Variants in DNAH11 observed in about 807,000 individuals in gnomAD.
The protein encoded by DNAH11 is dynein axonemal heavy chain 11, also known as axonemal beta dynein heavy chain 11.
Under a neutral mutation model 526.0 loss-of-function variants are expected in DNAH11, and 442 were observed. The ratio of observed to expected loss-of-function variants is 0.84; its 90% CI spans 0.78 to 0.91. DNAH11 has a LOEUF of 0.91. DNAH11 is among the 40% of genes least tolerant of loss of function. The pLI is 0.00. For synonymous variants in DNAH11, 2,461 were observed against 1,935.9 expected (o/e 1.27, Z -7.12); for missense variants, 6,989 against 5,448.7 (o/e 1.28, Z -8.90).
At chr7:21,664,982 T>C (rs1299882087) in intron 30 of DNAH11, among the ~76,000 whole-genome samples, 2 of 152,104 alleles carry the variant, frequency 1.3e-5, no homozygotes. Context: ...GTCCAAATTC[T>C]TTGAGCTGCC....
chr7:21,779,055 C>T lies in DNAH11; in HGVS notation c.9434C>T (p.Thr3145Met), dbSNP rs185195859. ...EALITKIGLQ[T>M]EKVSREKTIA... ...CTGATCACAAAGATCGGCCTTCAGA[C>T]GGAGAAAGTGAGCCGGGAAAAGACC... The change falls in exon 57 of 82, where the codon ACG (threonine) becomes ATG (methionine). Residue 3145 changes from threonine to methionine, a missense_variant. Thr to Met is a moderately conservative substitution (Grantham distance 81). Coordinates refer to ENST00000409508, the MANE Select transcript of DNAH11 (RefSeq NM_001277115.2). 35 of 1,613,318 alleles carry T rather than the reference C, an allele frequency of 2.2e-5. No homozygotes were observed. Among genetic ancestry groups the T allele is most frequent in the Middle Eastern group, 1.7e-4 (1 of 6,048 alleles).
chr7:21,687,164 G>A lies in DNAH11; in HGVS notation c.5687G>A (p.Gly1896Asp). ...TMSGAPAGPAGTGKTETTKDL... is the reference protein window; with the variant it reads ...TMSGAPAGPADTGKTETTKDL... Reference sequence around the variant, plus strand: ...AGTGGGGCTCCTGCTGGCCCAGCTGGTACCGGGAAAACAGAGACCACCAAA... The same window carrying A: ...AGTGGGGCTCCTGCTGGCCCAGCTGATACCGGGAAAACAGAGACCACCAAA... The change falls in exon 33 of 82, where the codon GGT (glycine) becomes GAT (aspartate). Residue 1896 changes from glycine to aspartate, a missense_variant. Gly to Asp is a moderately conservative substitution (Grantham distance 94). Transcript: ENST00000409508. The A allele has an allele frequency of 6.2e-7, 1 of 1,613,150 alleles. No individual in the cohort carries two copies. Among genetic ancestry groups the A allele is most frequent in the Non-Finnish European group, 8.5e-7 (1 of 1,179,518 alleles).
At chr7:21,628,424 A>T (rs1786452286) in intron 25 of DNAH11, among the ~76,000 whole-genome samples, 1 of 152,202 alleles carries the variant, frequency 6.6e-6, no homozygotes, top group African/African-American at 2.4e-5. Flanking sequence ...TTAGCTGTGG[A>T]TTTATTGTAT....
intron 8 of DNAH11, among the ~76,000 whole-genome samples, chr7:21,575,994 G>T (rs922174909): frequency 6.6e-6 from 1 of 152,140 alleles, no homozygotes; most frequent in Non-Finnish European, 1.5e-5. Flanking sequence ...AGAAACTTCT[G>T]CTTCTGGAAA....
intron 61 of DNAH11, among the ~76,000 whole-genome samples, chr7:21,793,854 A>G (rs761972070): frequency 1.3e-5 from 2 of 152,150 alleles, no homozygotes; most frequent in African/African-American, 2.4e-5. Context: ...TCTTTGAACA[A>G]GCTTTCTACA....
At chr7:21,780,992 A>G (rs1442667655) in intron 57 of DNAH11, among the ~76,000 whole-genome samples, 1 of 152,206 alleles carries the variant, frequency 6.6e-6, no homozygotes, top group Non-Finnish European at 1.5e-5. Context: ...GTGGGAAGGA[A>G]CTATTGTAAA....
intron 73 of DNAH11, among the ~76,000 whole-genome samples, chr7:21,870,913 C>G (rs1457655063): frequency 6.6e-6 from 1 of 152,164 alleles, no homozygotes; most frequent in Non-Finnish European, 1.5e-5. Context: ...TTTGGGCCAT[C>G]CCAGTGTCTA....
intron 65 of DNAH11, among the ~76,000 whole-genome samples, chr7:21,841,271 A>C (rs968065767): frequency 6.6e-6 from 1 of 152,232 alleles, no homozygotes; most frequent in African/African-American, 2.4e-5. Flanking sequence ...ATACATAAGT[A>C]TATTAAATAC....
chr7:21,720,219 C>T (rs941287568), intron 43 of DNAH11, among the ~76,000 whole-genome samples: 8 of 152,110 alleles, frequency 5.3e-5, no homozygotes, highest in Admixed American at 1.3e-4. Flanking sequence ...AAGCGCTTAC[C>T]GAAAGTGGTT....
chr7:21,845,606 T>C (rs983603048), intron 66 of DNAH11, among the ~76,000 whole-genome samples: 1 of 152,178 alleles, frequency 6.6e-6, no homozygotes, highest in Non-Finnish European at 1.5e-5. Flanking sequence ...CTTTTATCAA[T>C]ATCACACCGC....
intron 41 of DNAH11, 148 bp from the exon 42 acceptor site, chr7:21,711,564 G>A (rs1784464549): frequency 9.0e-7 from 1 of 1,105,574 alleles, no homozygotes; most frequent in East Asian, 2.6e-5. Flanking sequence ...TCTCAGGGGT[G>A]AGCTTAGATC....
intron 15 of DNAH11, among the ~76,000 whole-genome samples, chr7:21,600,345 C>A (rs547801725): frequency 2.0e-5 from 3 of 151,912 alleles, no homozygotes; most frequent in Non-Finnish European, 4.4e-5. Flanking sequence ...GTAGTCCCAG[C>A]TACTCAGGAG....
At chr7:21,700,819 C>T (rs114909768) in intron 36 of DNAH11, among the ~76,000 whole-genome samples, 6,061 of 152,044 alleles carry the variant, frequency 0.04, 321 homozygotes, top group African/African-American at 0.12. Flanking sequence ...GAGACATGGA[C>T]GAGGATGGAA....
At chr7:21,704,183 G>T (rs1285340847) in intron 37 of DNAH11, among the ~76,000 whole-genome samples, 1 of 152,160 alleles carries the variant, frequency 6.6e-6, no homozygotes, top group Non-Finnish European at 1.5e-5. Context: ...CAGATCATTG[G>T]CAGGGAAGGA....
At chr7:21,816,240 A>C (rs1789785619) in intron 63 of DNAH11, among the ~76,000 whole-genome samples, 1 of 152,180 alleles carries the variant, frequency 6.6e-6, no homozygotes, top group Admixed American at 6.5e-5. Flanking sequence ...GCAGTTGATA[A>C]AACCGATGTT....
intron 60 of DNAH11, 43 bp downstream of exon 60, chr7:21,787,626 G>A: frequency 6.6e-7 from 1 of 1,512,964 alleles, no homozygotes; most frequent in Non-Finnish European, 8.9e-7. Flanking sequence ...TCTCCACAAA[G>A]GGCTGCAAAC....
intron 29 of DNAH11, among the ~76,000 whole-genome samples, chr7:21,657,220 A>C (rs1782050387): frequency 6.6e-6 from 1 of 152,166 alleles, no homozygotes; most frequent in African/African-American, 2.4e-5. Flanking sequence ...ACCCCAATTT[A>C]GTCCATTAGT....
intron 65 of DNAH11, among the ~76,000 whole-genome samples, chr7:21,822,405 A>T (rs1379804521): frequency 6.6e-6 from 1 of 152,134 alleles, no homozygotes; most frequent in Admixed American, 6.6e-5. Flanking sequence ...ACACCAAGCC[A>T]TTCATGAGAG....
intron 30 of DNAH11, 35 bp from the exon 31 acceptor site, chr7:21,681,510 AC>A: frequency 6.3e-7 from 1 of 1,599,546 alleles, no homozygotes; most frequent in Non-Finnish European, 8.5e-7. Flanking sequence ...TGTATTTGTA[AC>A]CCTTCTCTCC....
Sources: allele counts gnomAD v4.1 joint callset (sites outside exome capture counted in the v4.1 genomes callset), GRCh38; gene constraint gnomAD v4.1.1; transcripts MANE v1.5; gene names NCBI Gene and HGNC (gene_info 2026-07-23, HGNC 2026-07-21).